Variants in TRPV4 observed in about 807,000 individuals in gnomAD.
The protein encoded by TRPV4 is OSM9-like transient receptor potential channel 4.
TRPV4 carries 58 observed loss-of-function variants against 84.1 expected under a neutral mutation model. That is an observed-to-expected ratio of 0.69 (90% confidence interval 0.56 to 0.86). TRPV4 has a LOEUF of 0.86. TRPV4 is among the 40% of genes least tolerant of loss of function. TRPV4 has a pLI of 0.00. For missense variants in TRPV4, 879 were observed against 1,181.1 expected, an observed-to-expected ratio of 0.74 and a Z score of 3.75; for synonymous variants, 489 against 500.9, an observed-to-expected ratio of 0.98 and a Z score of 0.32.
chr12:109,806,877 A>G (rs1891175682), intron 3 of TRPV4, among the ~76,000 whole-genome samples: 1 of 151,484 alleles, frequency 6.6e-6, no homozygotes, highest in Non-Finnish European at 1.5e-5. Context: ...AAAAAAGAAA[A>G]AAAAAAAAAA....
intron 3 of TRPV4, among the ~76,000 whole-genome samples, chr12:109,805,698 C>T (rs1360650632): frequency 6.6e-6 from 1 of 152,130 alleles, no homozygotes; most frequent in African/African-American, 2.4e-5. Context: ...AGCCAGGGGC[C>T]CTGGCACTTA....
At chr12:109,818,605 G>A (rs148130449) in intron 1 of TRPV4, among the ~76,000 whole-genome samples, 3 of 152,048 alleles carry the variant, frequency 2.0e-5, no homozygotes, top group Non-Finnish European at 4.4e-5. Flanking sequence ...TCTGAGCCTC[G>A]GTTTCTCTAC....
Position 109,798,300 on chromosome 12 carries a change from G to A in TRPV4, c.1152+314C>T, listed in dbSNP as rs1032289175. Among the ~76,000 whole-genome samples, 2 of 152,204 alleles carry A rather than the reference G, an allele frequency of 1.3e-5. No individual in the cohort carries two copies. On this transcript the variant is annotated intron_variant, in intron 6 of 15. Transcript: ENST00000261740. The surrounding 1 kb of genome is among the most constrained non-coding windows in gnomAD (Gnocchi z 5.0). ...TGGGGCAGGGCCATTCAACAGGTTT[G>A]AGGCTGGGAGCACCGCTGGGCTAGG...
chr12:109,796,710 C>T lies in TRPV4; in HGVS notation c.1153-6G>A, dbSNP rs1890423456. ...CGGATGATGTGCTGAAAGATCTGCA[C>T]AGGGGGCCAGGAGGGTCAGGGGGCT... On this transcript the variant is annotated splice_region_variant and splice_polypyrimidine_tract_variant and intron_variant, in intron 6 of 15. Coordinates refer to ENST00000261740, the MANE Select transcript of TRPV4 (RefSeq NM_021625.5). This position sits in a 1 kb window ranked among gnomAD's most constrained non-coding sequence, Gnocchi z 4.2. The T allele has an allele frequency of 6.2e-7, 1 of 1,608,512 alleles. No homozygotes were observed. The highest frequency in any genetic ancestry group is 8.5e-7 in the Non-Finnish European group (1 of 1,176,156).
chr12:109,794,722 G>T (rs1890283274), intron 7 of TRPV4, among the ~76,000 whole-genome samples: 1 of 152,140 alleles, frequency 6.6e-6, no homozygotes, highest in South Asian at 2.1e-4. Context: ...TCCCTTAAAA[G>T]ACATTTATTT....
rs926925253 is a variant in TRPV4 at position 109,796,658 on chromosome 12, C to T, written c.1199G>A (p.Arg400Gln). ...GTCCTTGAACTTGCGGGACAGGTGC[C>T]GTGTGTCCTCATCCGTCACCTCCCG... ...IRREVTDEDTRHLSRKFKDWA... is the reference protein window; with the variant it reads ...IRREVTDEDTQHLSRKFKDWA... Residue 400 changes from arginine to glutamine, a missense_variant, in exon 7 of 16, where the codon CGG (arginine) becomes CAG (glutamine). Physicochemically the swap from Arg to Gln is conservative, Grantham distance 43 (BLOSUM62 1). Around this residue, in one of 4 missense-constraint regions of TRPV4, gnomAD observed 521 missense variants for 686.6 expected, o/e 0.76. Transcript: ENST00000261740. The surrounding 1 kb of genome is among the most constrained non-coding windows in gnomAD (Gnocchi z 4.2). 13 of 1,613,978 alleles carry T rather than the reference C, an allele frequency of 8.1e-6. No homozygotes were observed. The highest frequency in any genetic ancestry group is 4.5e-5 in the East Asian group (2 of 44,894).
In TRPV4 at chr12:109,792,765, T is replaced by C; in HGVS notation, c.1711A>G (p.Ile571Val). ...IVSAALYLAG[I>V]EAYLAVMVFA... is the part of the protein sequence containing the mutation. ...ACCATCACGGCCAGGTAGGCCTCGA[T>C]CCCTGCCAGGTAGAGGGCTGCTGAG... The change falls in exon 11 of 16, where the codon ATC becomes GTC. Residue 571 changes from isoleucine (I) to valine (V), a missense_variant. Around this residue, in one of 4 missense-constraint regions of TRPV4, gnomAD observed 521 missense variants for 686.6 expected, o/e 0.76. Transcript: ENST00000261740. 5 of 1,613,992 alleles carry C rather than the reference T, an allele frequency of 3.1e-6. No individual in the cohort carries two copies. Among genetic ancestry groups the C allele is most frequent in the Non-Finnish European group, 4.2e-6 (5 of 1,180,018 alleles).
intron 13 of TRPV4, among the ~76,000 whole-genome samples, chr12:109,787,998 T>C (rs1165549285): frequency 6.6e-6 from 1 of 152,192 alleles, no homozygotes. Context: ...AAGACCCCCA[T>C]GAGAATGCTG....
At position 109,814,267 on chromosome 12, in the gene TRPV4, GGATA is replaced by G; in HGVS notation, c.386+140_386+143del. On this transcript the variant is annotated intron_variant, in intron 2 of 15. Coordinates refer to ENST00000261740, the MANE Select transcript of TRPV4 (RefSeq NM_021625.5). The surrounding 1 kb of genome is among the most constrained non-coding windows in gnomAD (Gnocchi z 5.4). ...TGGATAGGGAGATGAATAGATGGAT[GGATA>G]GATGTATGGATGGTTGGATGGACAG... 1.1e-6 allele frequency: 1 copy of G among 938,824 alleles called. No individual in the cohort carries two copies. The highest frequency in any genetic ancestry group is 2.6e-5 in the East Asian group (1 of 38,098). 58.2% of individuals were successfully genotyped at this position (938,824 alleles called of 1,614,324 possible). A position where few individuals can be genotyped will look rare whatever the true frequency, so the allele number is the denominator to read the frequency against.
rs1345411921 is a variant in TRPV4, at chr12:109,798,619, T to C, written c.1147A>G (p.Ile383Val). Reference protein sequence around the residue: ...PLMMAAKTGKIGIFQHIIRRE... With the variant: ...PLMMAAKTGKVGIFQHIIRRE... ...GCCCCCAGCCGCACACTCACCCCAA[T>C]CTTGCCCGTCTTGGCAGCCATCATG... is the stretch of plus-strand genomic sequence containing the variant. The change falls in exon 6 of 16, where the codon ATT becomes GTT. Residue 383 changes from isoleucine (I) to valine (V), a missense_variant. Ile to Val is a conservative substitution (Grantham distance 29). Around this residue, in one of 4 missense-constraint regions of TRPV4, gnomAD observed 521 missense variants for 686.6 expected, o/e 0.76. Coordinates refer to ENST00000261740, the MANE Select transcript of TRPV4 (RefSeq NM_021625.5). The surrounding 1 kb of genome is among the most constrained non-coding windows in gnomAD (Gnocchi z 5.0). The C allele has an allele frequency of 2.5e-6, 4 of 1,611,574 alleles. No individual in the cohort carries two copies. In the South Asian group the frequency reaches 4.4e-5, roughly 18 times the overall value.
chr12:109,807,439 G>A (rs1891220448), intron 3 of TRPV4, among the ~76,000 whole-genome samples: 1 of 148,668 alleles, frequency 6.7e-6, no homozygotes, highest in East Asian at 2.0e-4. Context: ...GGAGTGCAGT[G>A]GCATGATCAC....
In TRPV4 at chr12:109,788,758, C is replaced by G. The variant is rs1188335305; in HGVS notation, c.1892-42G>C. ...GTGGCACTCACTGAGTGTGAGCACACCCACAGAGAGGTGGAGGGTGTCATT... is the reference window on the plus strand; with the variant it reads ...GTGGCACTCACTGAGTGTGAGCACAGCCACAGAGAGGTGGAGGGTGTCATT... On this transcript the variant is annotated intron_variant, in intron 12 of 15. Coordinates refer to ENST00000261740, the MANE Select transcript of TRPV4 (RefSeq NM_021625.5). The G allele has an allele frequency of 4.4e-6, 7 of 1,607,152 alleles. No individual in the cohort carries two copies. In the South Asian group the frequency reaches 6.6e-5, roughly 15 times the overall value.
chr12:109,803,265 A>C, intron 3 of TRPV4, 122 bp from the exon 4 acceptor site: 3 of 1,208,060 alleles, frequency 2.5e-6, no homozygotes, highest in Non-Finnish European at 3.5e-6. Context: ...TCTCCTCTCC[A>C]AGCCTGTTTC....
At chr12:109,829,912 C>T (rs958923187) in intron 1 of TRPV4, among the ~76,000 whole-genome samples, 1 of 152,244 alleles carries the variant, frequency 6.6e-6, no homozygotes, top group African/African-American at 2.4e-5. Flanking sequence ...CACTCCTGGG[C>T]TTAAGCGATC....
rs1455265592 is a variant in TRPV4, at chr12:109,808,370, G to A, written c.485C>T (p.Ser162Phe). The change falls in exon 3 of 16, where the codon TCC becomes TTC. Residue 162 changes from serine to phenylalanine, a missense_variant. Around this residue, in one of 4 missense-constraint regions of TRPV4, gnomAD observed 521 missense variants for 686.6 expected, o/e 0.76. Coordinates refer to ENST00000261740, the MANE Select transcript of TRPV4 (RefSeq NM_021625.5). ...PILFDIVSRG[S>F]TADLDGLLPF... The stretch of plus-strand genomic sequence containing the variant: ...GAGCAGCCCGTCCAGGTCAGCAGTG[G>A]AGCCCCGGGACACGATGTCAAAGAG... 6.2e-7 allele frequency: 1 copy of A among 1,614,228 alleles called. No individual in the cohort carries two copies. Among genetic ancestry groups the A allele is most frequent in the South Asian group, 1.1e-5 (1 of 91,092 alleles).
chr12:109,794,677 C>A (rs907721124), intron 7 of TRPV4, among the ~76,000 whole-genome samples, 190 bp from the exon 8 acceptor site: 10 of 152,186 alleles, frequency 6.6e-5, no homozygotes, highest in African/African-American at 2.2e-4. Flanking sequence ...ACCTTTCCAC[C>A]CTATTCTAGC....
chr12:109,807,935 TATG>T (rs998982780), intron 3 of TRPV4, among the ~76,000 whole-genome samples: 1 of 152,122 alleles, frequency 6.6e-6, no homozygotes, highest in African/African-American at 2.4e-5. Flanking sequence ...AGGAGTATGC[TATG>T]ATTATTCCCC....
chr12:109,798,659 G>A lies in TRPV4; in HGVS notation c.1107C>T (p.Asp369=), dbSNP rs771626710. 66 of 1,613,100 alleles carry A rather than the reference G, an allele frequency of 4.1e-5. No homozygotes were observed. Among genetic ancestry groups the A allele is most frequent in the African/African-American group, 6.7e-5 (5 of 74,938 alleles). The change falls in exon 6 of 16, where the codon GAC becomes GAT. Residue 369 remains aspartate (D), a synonymous_variant. Coordinates refer to ENST00000261740, the MANE Select transcript of TRPV4 (RefSeq NM_021625.5). This position sits in a 1 kb window ranked among gnomAD's most constrained non-coding sequence, Gnocchi z 5.0. ...CAGCCATCATGAGGGGCGAGAGGCC[G>A]TCGTTGTTGAGCACGGCCTCCAGGT... ...DSNLEAVLNN[D]GLSPLMMAAK... is the part of the protein sequence containing the mutation.
chr12:109,820,514 CTAT>C (rs1892053897), intron 1 of TRPV4, among the ~76,000 whole-genome samples: 9 of 123,150 alleles, frequency 7.3e-5, no homozygotes, highest in Admixed American at 1.8e-4. Flanking sequence ...TTCAGCTGCC[CTAT>C]TTTTTTTTTT....
Sources: allele counts gnomAD v4.1 joint callset (sites outside exome capture counted in the v4.1 genomes callset), GRCh38; gene constraint gnomAD v4.1.1; regional missense constraint gnomAD v4.1.1; non-coding constraint Gnocchi (gnomAD v3.1); transcripts MANE v1.5; gene names NCBI Gene and HGNC (gene_info 2026-07-23, HGNC 2026-07-21).